SUGP1: variants seen among roughly 807,000 people sequenced by gnomAD.
The protein encoded by SUGP1 is SURP and G-patch domain-containing protein 1.
Under a neutral mutation model 76.5 loss-of-function variants are expected in SUGP1, and 34 were observed. The ratio of observed to expected loss-of-function variants is 0.44; its 90% CI spans 0.34 to 0.59. SUGP1 has a LOEUF of 0.59. SUGP1 is among the 20% of genes least tolerant of loss of function. SUGP1 has a pLI of 0.01. For missense variants in SUGP1, 752 were observed against 851.7 expected, an observed-to-expected ratio of 0.88 and a Z score of 1.46; for synonymous variants, 326 against 326.2, an observed-to-expected ratio of 1.00 and a Z score of 0.01.
intron 8 of SUGP1, among the ~76,000 whole-genome samples, chr19:19,283,642 G>C (rs1288543465): frequency 6.6e-6 from 1 of 152,230 alleles, no homozygotes; most frequent in Non-Finnish European, 1.5e-5. Context: ...TTTTAGTAGA[G>C]ACAGGTTTCA....
At chr19:19,318,382 A>G (rs1398084569) in intron 1 of SUGP1, among the ~76,000 whole-genome samples, 1 of 149,882 alleles carries the variant, frequency 6.7e-6, no homozygotes, top group Non-Finnish European at 1.5e-5. Flanking sequence ...AGCCTCCCAA[A>G]GTGCTGGGAT....
At chr19:19,311,726 CAAAAAAAAAAAAA>C (rs55707664) in intron 2 of SUGP1, among the ~76,000 whole-genome samples, 1 of 77,260 alleles carries the variant, frequency 1.3e-5, no homozygotes, top group Non-Finnish European at 2.6e-5. Flanking sequence ...GACTCTGTCT[CAAAAAAAAAAAAA>C]AAAAAAAAAA....
chr19:19,283,055 C>A (rs1410504792), intron 8 of SUGP1, among the ~76,000 whole-genome samples: 4 of 145,176 alleles, frequency 2.8e-5, no homozygotes, highest in Non-Finnish European at 4.5e-5. Context: ...CCAGCCTGGG[C>A]GACAGAGTGA....
At chr19:19,280,632 G>C (rs1039254650) in intron 8 of SUGP1, 18 of 276,294 alleles carry the variant, frequency 6.5e-5, no homozygotes, top group Non-Finnish European at 1.3e-4. Flanking sequence ...AGAGACAAGA[G>C]AGCTGAGACG....
chr19:19,320,366 G>A (rs931059987), intron 1 of SUGP1, 97 bp downstream of exon 1: 35 of 1,321,274 alleles, frequency 2.6e-5, no homozygotes, highest in Non-Finnish European at 3.4e-5. Context: ...TGAAGCGAGG[G>A]ATCCACGGGT....
chr19:19,307,749 T>G (rs2061327711), intron 3 of SUGP1, among the ~76,000 whole-genome samples: 1 of 151,648 alleles, frequency 6.6e-6, no homozygotes, highest in Non-Finnish European at 1.5e-5. Context: ...GCAGAGCTGG[T>G]TGCCTCCCAG....
At chr19:19,306,744 T>C (rs900956226) in intron 3 of SUGP1, among the ~76,000 whole-genome samples, 50 of 152,158 alleles carry the variant, frequency 3.3e-4, no homozygotes, top group African/African-American at 1.1e-3. Flanking sequence ...AGGGGTCCCA[T>C]TCCTTGCACA....
intron 8 of SUGP1, among the ~76,000 whole-genome samples, chr19:19,294,890 AG>A (rs1263460176): frequency 6.6e-6 from 1 of 152,214 alleles, no homozygotes; most frequent in Non-Finnish European, 1.5e-5. Flanking sequence ...TAAAGTGAAA[AG>A]ACAACCCATA....
At position 19,305,811 on chromosome 19, in the gene SUGP1, G is replaced by C. The variant is rs769223605; in HGVS notation, c.538+38C>G. The C allele has an allele frequency of 6.5e-3, 10,088 of 1,560,720 alleles. 576 individuals carry two copies. The African/African-American group carries it at 0.12, about 19-fold the overall frequency. ...ACAGATCCCACCTGCTAGAGCACGGGCACTGGTGGTGGGGGAGCAGCAGCT... is the reference window on the plus strand; with the variant it reads ...ACAGATCCCACCTGCTAGAGCACGGCCACTGGTGGTGGGGGAGCAGCAGCT... On this transcript the variant is annotated intron_variant, in intron 4 of 13. Coordinates refer to ENST00000247001, the MANE Select transcript of SUGP1 (RefSeq NM_172231.4).
chr19:19,302,448 T>C, intron 6 of SUGP1, 60 bp from the exon 7 acceptor site: 1 of 1,584,606 alleles, frequency 6.3e-7, no homozygotes, highest in Non-Finnish European at 8.6e-7. Context: ...TAATTTCTGC[T>C]AAGAACCCCA....
chr19:19,313,345 A>G (rs1209849463), intron 2 of SUGP1, among the ~76,000 whole-genome samples: 1 of 152,166 alleles, frequency 6.6e-6, no homozygotes, highest in Non-Finnish European at 1.5e-5. Flanking sequence ...CAGTGGGCCA[A>G]GATCGCGCCA....
intron 2 of SUGP1, among the ~76,000 whole-genome samples, chr19:19,311,482 C>T (rs902311556): frequency 7.2e-5 from 11 of 151,814 alleles, no homozygotes; most frequent in African/African-American, 2.4e-4. Context: ...AATCCCAGCA[C>T]TTTGGGAGGC....
chr19:19,316,848 T>A (rs750702126), intron 1 of SUGP1, among the ~76,000 whole-genome samples: 3 of 151,946 alleles, frequency 2.0e-5, no homozygotes, highest in African/African-American at 4.8e-5. Context: ...AATAAAAAAG[T>A]AACTTTCGGG....
In SUGP1 at chr19:19,316,800, G is replaced by A. The variant is rs539985668; in HGVS notation, c.35-207C>T. 5.4e-4 allele frequency among the ~76,000 whole-genome samples: 82 copies of A among 152,200 alleles called. 2 individuals carry two copies. In the South Asian group the frequency reaches 0.017, roughly 31 times the overall value. On this transcript the variant is annotated intron_variant, in intron 1 of 13. Transcript: ENST00000247001. ...CAAGAGAACACAGGTCTCTGCCCAC[G>A]TGGGACTCGCTTCAGGCTGGGAAGA...
At chr19:19,282,103 C>G (rs932554767) in intron 8 of SUGP1, among the ~76,000 whole-genome samples, 1 of 152,164 alleles carries the variant, frequency 6.6e-6, no homozygotes, top group Admixed American at 6.5e-5. Context: ...CCTCAGCCTC[C>G]CAAGTAGCTG....
chr19:19,297,400 A>ATTCTGGGCAGGAGCAGTTGTGGCC, intron 7 of SUGP1, 56 bp from the exon 8 acceptor site: 1 of 1,349,532 alleles, frequency 7.4e-7, no homozygotes, highest in South Asian at 1.5e-5. Context: ...CCTGTCCCTG[A>ATTCTGGGCAGGAGCAGTTGTGGCC]TTCTGGGCAG....
chr19:19,311,408 A>G (rs2061351907), intron 2 of SUGP1, among the ~76,000 whole-genome samples: 2 of 151,308 alleles, frequency 1.3e-5, no homozygotes, highest in Admixed American at 1.3e-4. Context: ...TTCCAGCAAG[A>G]TTGCTTTGGC....
chr19:19,277,054 C>A lies in SUGP1; in HGVS notation c.1804G>T (p.Ala602Ser), dbSNP rs747446537. ...GCCGGCCGGTCAATGCCGAAGCCAG[C>A]GCCGTCCACTGTGGTGGTGCCCCTA... ...VNKGTTTVDG[A>S]GFGIDRPAEL... The change falls in exon 13 of 14, where the codon GCT (alanine) becomes TCT (serine). Residue 602 changes from alanine to serine, a missense_variant. Coordinates refer to ENST00000247001, the MANE Select transcript of SUGP1 (RefSeq NM_172231.4). 6.2e-7 allele frequency: 1 copy of A among 1,611,544 alleles called. No homozygotes were observed. Among genetic ancestry groups the A allele is most frequent in the Non-Finnish European group, 8.5e-7 (1 of 1,179,740 alleles).
intron 13 of SUGP1, 25 bp downstream of exon 13, chr19:19,276,922 A>G: frequency 6.2e-7 from 1 of 1,612,056 alleles, no homozygotes; most frequent in Non-Finnish European, 8.5e-7. Context: ...GACTGAGCAA[A>G]GGCAGCCCAG....
Sources: allele counts gnomAD v4.1 joint callset (sites outside exome capture counted in the v4.1 genomes callset), GRCh38; gene constraint gnomAD v4.1.1; transcripts MANE v1.5; gene names NCBI Gene and HGNC (gene_info 2026-07-23, HGNC 2026-07-21).